SSBP2: variants seen among roughly 807,000 people sequenced by gnomAD.
SSBP2 encodes the protein single stranded DNA binding protein 2.
A neutral mutation model predicts 61.8 loss-of-function variants in SSBP2; 17 were observed. The observed-to-expected ratio is 0.28, with a 90% CI of 0.19 to 0.41. The LOEUF (loss-of-function observed/expected upper bound fraction) is 0.41. Ranked by LOEUF, SSBP2 falls within the 10% of genes least tolerant of loss-of-function variation. SSBP2 has a pLI of 1.00. For missense variants in SSBP2, 310 were observed against 458.7 expected (o/e 0.68, Z 2.96); for synonymous variants, 139 against 141.3 (o/e 0.98, Z 0.12).
At chr5:81,633,765 C>A (rs1197073319) in intron 3 of SSBP2, among the ~76,000 whole-genome samples, 1 of 152,146 alleles carries the variant, frequency 6.6e-6, no homozygotes, top group Non-Finnish European at 1.5e-5. Context: ...CAGCACAGGG[C>A]CTTAACAGCT....
chr5:81,447,304 T>G (rs568309449), intron 11 of SSBP2, among the ~76,000 whole-genome samples: 56 of 152,206 alleles, frequency 3.7e-4, no homozygotes, highest in Non-Finnish European at 2.6e-4. Context: ...AGAATATATT[T>G]AAAAATGAAG....
intron 2 of SSBP2, among the ~76,000 whole-genome samples, chr5:81,640,486 C>T (rs1392486285): frequency 1.3e-5 from 2 of 152,000 alleles, no homozygotes; most frequent in Admixed American, 6.6e-5. Flanking sequence ...AGGCCAGATC[C>T]TAATTTTAAT....
chr5:81,555,948 T>C (rs1184075979), intron 4 of SSBP2, among the ~76,000 whole-genome samples: 1 of 152,234 alleles, frequency 6.6e-6, no homozygotes, highest in East Asian at 1.9e-4. Context: ...AGTAAATATA[T>C]TAGGCTTTGC....
At chr5:81,611,866 A>C (rs1438118875) in intron 4 of SSBP2, among the ~76,000 whole-genome samples, 3 of 152,124 alleles carry the variant, frequency 2.0e-5, no homozygotes, top group Non-Finnish European at 4.4e-5. Flanking sequence ...TCAGAAATCC[A>C]TATCTATGTA....
chr5:81,599,372 A>T (rs191623818), intron 4 of SSBP2, among the ~76,000 whole-genome samples: 1 of 152,232 alleles, frequency 6.6e-6, no homozygotes. Context: ...CAAAAGAAAC[A>T]AGCAATATTT....
At chr5:81,669,772 T>C (rs535482030) in intron 1 of SSBP2, among the ~76,000 whole-genome samples, 7 of 150,994 alleles carry the variant, frequency 4.6e-5, no homozygotes, top group African/African-American at 9.8e-5. Context: ...ATGTATCCCC[T>C]TTTTTTTGTT....
intron 1 of SSBP2, among the ~76,000 whole-genome samples, chr5:81,666,342 CACAG>C (rs769745040): frequency 7.2e-5 from 11 of 152,050 alleles, no homozygotes; most frequent in Non-Finnish European, 1.3e-4. Context: ...CATTAGTTAA[CACAG>C]ACAGAGACAT....
chr5:81,635,531 A>G (rs1308324713), intron 3 of SSBP2, among the ~76,000 whole-genome samples: 2 of 151,970 alleles, frequency 1.3e-5, no homozygotes, highest in Non-Finnish European at 2.9e-5. Context: ...ATAATTACCT[A>G]TACAGAAGTC....
At chr5:81,632,102 A>G (rs1309390571) in intron 3 of SSBP2, among the ~76,000 whole-genome samples, 1 of 152,126 alleles carries the variant, frequency 6.6e-6, no homozygotes, top group Non-Finnish European at 1.5e-5. Flanking sequence ...TTTTTCTCTT[A>G]ATACCCATTT....
Position 81,442,722 on chromosome 5 carries a change from A to T in SSBP2, c.780T>A (p.Asp260Glu). 1 of 1,524,864 alleles carries T rather than the reference A, an allele frequency of 6.6e-7. No homozygotes were observed. Among genetic ancestry groups the T allele is most frequent in the African/African-American group, 1.4e-5 (1 of 72,146 alleles). The allele number at this position is 1,524,864 out of a possible 1,614,324, so 94.5% of individuals were successfully genotyped here. Residue 260 changes from aspartate (D) to glutamate (E), a missense_variant and splice_region_variant, in exon 13 of 17, where the codon GAT (aspartate) becomes GAA (glutamate). Physicochemically the swap from Asp to Glu is conservative, Grantham distance 45 (BLOSUM62 2). Around this residue, in one of 4 missense-constraint regions of SSBP2, gnomAD observed 209 missense variants for 286.4 expected, o/e 0.73. Transcript: ENST00000320672. The stretch of plus-strand genomic sequence containing the variant: ...ACATGTTATCACCAGAGTTGGTTGA[A>T]TCTGAAACAAAATATTACTTAATTA...
intron 4 of SSBP2, among the ~76,000 whole-genome samples, chr5:81,544,845 A>G (rs1443929264): frequency 6.6e-6 from 1 of 152,194 alleles, no homozygotes; most frequent in African/African-American, 2.4e-5. Flanking sequence ...TATGGCAAAT[A>G]TGTACAAAGT....
At chr5:81,467,119 C>G in intron 8 of SSBP2, 54 bp from the exon 9 acceptor site, 1 of 1,145,468 alleles carries the variant, frequency 8.7e-7, no homozygotes, top group South Asian at 1.4e-5. Context: ...GAAAGGAGAG[C>G]ACGTTAATGA....
chr5:81,432,836 C>T (rs1256460832), intron 15 of SSBP2, among the ~76,000 whole-genome samples: 3 of 149,252 alleles, frequency 2.0e-5, no homozygotes, highest in East Asian at 2.0e-4. Context: ...CGGCCAGCCG[C>T]CCCGTCCGGG....
In SSBP2 at chr5:81,419,266, A is replaced by G. The variant is rs983245795; in HGVS notation, c.*1238T>C. ...TACTATCAATGATTTGCTCCTGAATAAAAGCCTTATATTCCAGGAACAGAG... is the reference window on the plus strand; with the variant it reads ...TACTATCAATGATTTGCTCCTGAATGAAAGCCTTATATTCCAGGAACAGAG... On this transcript the variant is annotated 3_prime_UTR_variant, in exon 17 of 17. Coordinates refer to ENST00000320672, the MANE Select transcript of SSBP2 (RefSeq NM_012446.5). The G allele has an allele frequency of 6.6e-6, 1 of 152,246 alleles. No homozygotes were observed. Among genetic ancestry groups the G allele is most frequent in the African/African-American group, 2.4e-5 (1 of 41,450 alleles). 9.4% of individuals were successfully genotyped at this position (152,246 alleles called of 1,614,324 possible).
At chr5:81,664,658 A>C (rs1260315038) in intron 1 of SSBP2, among the ~76,000 whole-genome samples, 1 of 152,204 alleles carries the variant, frequency 6.6e-6, no homozygotes, top group Non-Finnish European at 1.5e-5. Context: ...ACTGTTCGAC[A>C]ACATGGAAGT....
chr5:81,653,644 C>A (rs780182448), intron 1 of SSBP2, among the ~76,000 whole-genome samples: 1 of 152,184 alleles, frequency 6.6e-6, no homozygotes, highest in Non-Finnish European at 1.5e-5. Context: ...ACCATTCTAA[C>A]TGGCATCAGA....
At chr5:81,722,932 T>C (rs1408077537) in intron 1 of SSBP2, among the ~76,000 whole-genome samples, 2 of 152,010 alleles carry the variant, frequency 1.3e-5, no homozygotes, top group East Asian at 1.9e-4. Context: ...TCTAGCACAA[T>C]TGCTTTCTTT....
At chr5:81,748,225 G>GT (rs1757478440) in intron 1 of SSBP2, among the ~76,000 whole-genome samples, 2 of 152,226 alleles carry the variant, frequency 1.3e-5, no homozygotes, top group South Asian at 4.1e-4. Context: ...TTTGCAGAAT[G>GT]TTTTTGTTAA....
intron 1 of SSBP2, among the ~76,000 whole-genome samples, chr5:81,746,636 T>C (rs1361799334): frequency 1.3e-5 from 2 of 152,152 alleles, no homozygotes; most frequent in Admixed American, 6.5e-5. Context: ...CTGTAACTAC[T>C]TTGAAATAAG....
Sources: allele counts gnomAD v4.1 joint callset (sites outside exome capture counted in the v4.1 genomes callset), GRCh38; gene constraint gnomAD v4.1.1; regional missense constraint gnomAD v4.1.1; transcripts MANE v1.5; gene names NCBI Gene and HGNC (gene_info 2026-07-23, HGNC 2026-07-21).